Variants in ADGRD1 observed in about 807,000 individuals in gnomAD.
ADGRD1 encodes G-protein coupled receptor 133.
Under a neutral mutation model 113.4 loss-of-function variants are expected in ADGRD1, and 77 were observed. That is an observed-to-expected ratio of 0.68 (90% confidence interval 0.57 to 0.82). ADGRD1 has a LOEUF of 0.82. Among genes scored for constraint, ADGRD1 ranks in the 40% least tolerant of loss-of-function variants. The probability of loss-of-function intolerance (pLI) is 0.00; values close to 1 mark genes in which losing one functional copy is unlikely to be tolerated. For synonymous variants in ADGRD1, 474 were observed against 475.0 expected (o/e 1.00, Z 0.03); for missense variants, 1,036 against 1,139.1 (o/e 0.91, Z 1.30).
intron 14 of ADGRD1, among the ~76,000 whole-genome samples, chr12:131,079,592 G>A (rs1258826469): frequency 2.6e-5 from 4 of 152,190 alleles, no homozygotes; most frequent in Non-Finnish European, 4.4e-5. Context: ...TCACCATGAA[G>A]TCACCTGAGC....
chr12:131,042,921 G>T (rs1882284413), intron 13 of ADGRD1, among the ~76,000 whole-genome samples: 1 of 152,278 alleles, frequency 6.6e-6, no homozygotes, highest in African/African-American at 2.4e-5. Flanking sequence ...ATTCCCCAGT[G>T]GTAACTGTCG....
chr12:131,018,181 C>A (rs1422650615), intron 13 of ADGRD1, among the ~76,000 whole-genome samples: 3 of 152,154 alleles, frequency 2.0e-5, no homozygotes, highest in African/African-American at 7.2e-5. Flanking sequence ...CGCCTATCCG[C>A]TCTCCCGCCC....
intron 14 of ADGRD1, among the ~76,000 whole-genome samples, chr12:131,077,970 C>T (rs1885772143): frequency 6.6e-6 from 1 of 152,222 alleles, no homozygotes; most frequent in African/African-American, 2.4e-5. Context: ...AGCTGGAACA[C>T]ATCTGGGACA....
At chr12:130,972,161 T>C (rs1871742321) in intron 4 of ADGRD1, among the ~76,000 whole-genome samples, 1 of 152,178 alleles carries the variant, frequency 6.6e-6, no homozygotes, top group African/African-American at 2.4e-5. Flanking sequence ...GCTTTTACCG[T>C]GTGAAGTGTA....
chr12:130,999,512 C>T (rs897059858), intron 8 of ADGRD1, among the ~76,000 whole-genome samples: 1 of 152,208 alleles, frequency 6.6e-6, no homozygotes, highest in African/African-American at 2.4e-5. Context: ...AATTTAGTGT[C>T]TCAGAGTGTG....
At chr12:131,130,555 G>A (rs116551889) in intron 20 of ADGRD1, among the ~76,000 whole-genome samples, 1,660 of 152,350 alleles carry the variant, frequency 0.011, 27 homozygotes, top group African/African-American at 0.038. Flanking sequence ...CTCGGGAGCT[G>A]CGCGAGGAGG....
chr12:131,138,423 C>G (rs1012581417), intron 24 of ADGRD1, among the ~76,000 whole-genome samples, 194 bp downstream of exon 24: 1 of 152,188 alleles, frequency 6.6e-6, no homozygotes, highest in African/African-American at 2.4e-5. Context: ...CTGATGAAGT[C>G]ACCACAGCCC....
intron 21 of ADGRD1, among the ~76,000 whole-genome samples, chr12:131,134,321 C>T (rs1951016144): frequency 6.6e-6 from 1 of 152,200 alleles, no homozygotes; most frequent in South Asian, 2.1e-4. Flanking sequence ...CCAGGGACCC[C>T]TCTTCTTCTG....
At chr12:131,034,470 T>C (rs995089301) in intron 13 of ADGRD1, among the ~76,000 whole-genome samples, 1 of 152,170 alleles carries the variant, frequency 6.6e-6, no homozygotes, top group East Asian at 1.9e-4. Flanking sequence ...GTCTTACTTG[T>C]GTGTTTGCTT....
At chr12:131,088,218 G>C (rs984166815) in intron 15 of ADGRD1, among the ~76,000 whole-genome samples, 2 of 152,194 alleles carry the variant, frequency 1.3e-5, no homozygotes, top group East Asian at 3.9e-4. Flanking sequence ...AGAGGGGGGC[G>C]CTTGCTGGTG....
chr12:131,103,831 G>C (rs1950156519), intron 15 of ADGRD1, among the ~76,000 whole-genome samples: 1 of 152,194 alleles, frequency 6.6e-6, no homozygotes, highest in Non-Finnish European at 1.5e-5. Flanking sequence ...TCAGGCTTCA[G>C]CTGGGCCTCT....
rs770052647 is a variant in ADGRD1 at position 131,137,019 on chromosome 12, G to A, written c.2436+5G>A. On this transcript the variant is annotated splice_donor_5th_base_variant and intron_variant, in intron 23 of 24. Transcript: ENST00000261654. ...CATTGTCTCCTGAATTCAGAGGTAC[G>A]TCCGCTCTGCTTGCTGGCAGGTGCA... 241 of 1,610,068 alleles carry A rather than the reference G, an allele frequency of 1.5e-4. No individual in the cohort carries two copies. The highest frequency in any genetic ancestry group is 2.0e-4 in the Non-Finnish European group (234 of 1,176,488).
intron 5 of ADGRD1, among the ~76,000 whole-genome samples, chr12:130,982,534 C>T (rs1275142371): frequency 6.6e-6 from 1 of 152,176 alleles, no homozygotes; most frequent in Non-Finnish European, 1.5e-5. Context: ...CTCTTCCTCC[C>T]CCTCCTCTTC....
chr12:130,971,582 T>G lies in ADGRD1; in HGVS notation c.310+2T>G, dbSNP rs754511542. On this transcript the variant is annotated splice_donor_variant, in intron 4 of 24. Transcript: ENST00000261654. LOFTEE classifies it high-confidence loss of function. This position sits in a 1 kb window ranked among gnomAD's most constrained non-coding sequence, Gnocchi z 4.2. ...AGCCAGAGCAGTGTGGCCCTGAAGG[T>G]GAGTGGCTGATCCCTGCGGCATCTT... The G allele has an allele frequency of 6.2e-7, 1 of 1,600,568 alleles. No individual in the cohort carries two copies. Among genetic ancestry groups the G allele is most frequent in the Non-Finnish European group, 8.5e-7 (1 of 1,173,716 alleles).
chr12:131,133,337 G>A (rs1308184097), intron 21 of ADGRD1, among the ~76,000 whole-genome samples: 2 of 152,140 alleles, frequency 1.3e-5, no homozygotes, highest in African/African-American at 2.4e-5. Flanking sequence ...CCTGTGCACC[G>A]CCTTCCATCT....
At chr12:131,011,385 T>C (rs1350763021) in intron 12 of ADGRD1, among the ~76,000 whole-genome samples, 3 of 151,930 alleles carry the variant, frequency 2.0e-5, no homozygotes, top group Admixed American at 2.0e-4. Context: ...TTTGTGTTCA[T>C]AGAAGGTTCT....
intron 15 of ADGRD1, among the ~76,000 whole-genome samples, chr12:131,102,857 C>G (rs2137313410): frequency 6.6e-6 from 1 of 152,294 alleles, no homozygotes; most frequent in African/African-American, 2.4e-5. Flanking sequence ...CTCTCCTACC[C>G]CTAACTGCAT....
chr12:130,986,919 G>T, intron 5 of ADGRD1, 176 bp from the exon 6 acceptor site: 1 of 596,932 alleles, frequency 1.7e-6, no homozygotes, highest in Non-Finnish European at 3.0e-6. Flanking sequence ...CATCCTTCCT[G>T]TGCTCCAAAG....
intron 12 of ADGRD1, among the ~76,000 whole-genome samples, chr12:131,012,347 C>T (rs1878033029): frequency 6.6e-6 from 1 of 150,480 alleles, no homozygotes; most frequent in African/African-American, 2.4e-5. Context: ...GGATCAATAA[C>T]ATGGTCACAT....
Sources: gnomAD v4.1 joint callset for allele counts (sites outside exome capture counted in the v4.1 genomes callset) on GRCh38, gnomAD v4.1.1 for gene constraint, Gnocchi (gnomAD v3.1) non-coding constraint, MANE v1.5 for transcripts, NCBI Gene and HGNC (gene_info 2026-07-23, HGNC 2026-07-21) for gene names.